DSCAML1: variants seen among roughly 807,000 people sequenced by gnomAD.
The protein encoded by DSCAML1 is cell adhesion molecule DSCAML1.
Under a neutral mutation model 200.5 loss-of-function variants are expected in DSCAML1, and 38 were observed. The observed-to-expected ratio is 0.19, with a 90% CI of 0.15 to 0.25. The LOEUF is 0.25. Ranked by LOEUF, DSCAML1 falls within the 10% of genes least tolerant of loss-of-function variation. DSCAML1 has a pLI of 1.00. For synonymous variants in DSCAML1, 1,215 were observed against 1,165.0 expected (o/e 1.04, Z -0.87); for missense variants, 2,223 against 2,858.8 (o/e 0.78, Z 5.07).
At chr11:117,782,979 A>G (rs1227797076) in intron 1 of DSCAML1, among the ~76,000 whole-genome samples, 1 of 152,124 alleles carries the variant, frequency 6.6e-6, no homozygotes, top group Non-Finnish European at 1.5e-5. Flanking sequence ...TGTCTTAACC[A>G]TTCTGTGATG....
At chr11:117,733,113 A>G (rs2054253775) in intron 3 of DSCAML1, among the ~76,000 whole-genome samples, 2 of 149,460 alleles carry the variant, frequency 1.3e-5, no homozygotes, top group Admixed American at 1.4e-4. Context: ...AGCTCGGGGC[A>G]GAGGCAGGGA....
chr11:117,631,280 A>G (rs1375843449), intron 3 of DSCAML1, among the ~76,000 whole-genome samples: 5 of 152,290 alleles, frequency 3.3e-5, no homozygotes, highest in Admixed American at 6.5e-5. Flanking sequence ...AGATACGATG[A>G]GAGTTTTTCT....
intron 3 of DSCAML1, among the ~76,000 whole-genome samples, chr11:117,692,814 T>C (rs1266505753): frequency 6.6e-6 from 1 of 152,188 alleles, no homozygotes; most frequent in Non-Finnish European, 1.5e-5. Flanking sequence ...ATGACTCCCC[T>C]GCATGGAATG....
intron 3 of DSCAML1, among the ~76,000 whole-genome samples, chr11:117,776,451 G>T (rs895390978): frequency 6.6e-6 from 1 of 151,930 alleles, no homozygotes; most frequent in African/African-American, 2.4e-5. Flanking sequence ...CAGGTAAGGT[G>T]CTTCCAGCCT....
chr11:117,433,105 C>A, intron 29 of DSCAML1, 33 bp downstream of exon 29: 1 of 1,579,556 alleles, frequency 6.3e-7, no homozygotes, highest in East Asian at 2.2e-5. Flanking sequence ...GCACACCCAG[C>A]AGGACAGGGA....
At chr11:117,557,634 G>A (rs1367334245) in intron 3 of DSCAML1, among the ~76,000 whole-genome samples, 5 of 152,242 alleles carry the variant, frequency 3.3e-5, no homozygotes, top group African/African-American at 9.6e-5. Flanking sequence ...GCTTTGGGTA[G>A]CCGGAAGAAA....
At chr11:117,671,175 T>C (rs1406710846) in intron 3 of DSCAML1, among the ~76,000 whole-genome samples, 1 of 152,202 alleles carries the variant, frequency 6.6e-6, no homozygotes, top group Non-Finnish European at 1.5e-5. Context: ...TATGCAAATG[T>C]CCTGCCTGTT....
intron 18 of DSCAML1, 124 bp downstream of exon 18, chr11:117,461,326 G>A (rs2048479113): frequency 7.2e-7 from 1 of 1,396,194 alleles, no homozygotes; most frequent in South Asian, 1.3e-5. Flanking sequence ...GTGTGGAGAA[G>A]AGGGGGCTGC....
chr11:117,795,401 G>A (rs1257201618), intron 1 of DSCAML1, among the ~76,000 whole-genome samples: 1 of 152,194 alleles, frequency 6.6e-6, no homozygotes, highest in Non-Finnish European at 1.5e-5. Context: ...AGCCGAGCCA[G>A]CCTGCGGGGG....
At chr11:117,530,293 T>G (rs1228849081) in intron 4 of DSCAML1, among the ~76,000 whole-genome samples, 1 of 152,074 alleles carries the variant, frequency 6.6e-6, no homozygotes, top group Non-Finnish European at 1.5e-5. Context: ...CCCAGGAGAC[T>G]AGAGGATGAA....
chr11:117,707,199 T>C (rs183954099), intron 3 of DSCAML1, among the ~76,000 whole-genome samples: 1 of 152,304 alleles, frequency 6.6e-6, no homozygotes, highest in African/African-American at 2.4e-5. Flanking sequence ...TGGACACCTG[T>C]AGGGGAGCAT....
At chr11:117,699,211 A>G (rs1171237390) in intron 3 of DSCAML1, among the ~76,000 whole-genome samples, 2 of 152,192 alleles carry the variant, frequency 1.3e-5, no homozygotes, top group African/African-American at 2.4e-5. Context: ...ACAGGGTTTG[A>G]GCAGACAAAG....
chr11:117,553,649 A>G (rs1024389704), intron 3 of DSCAML1, among the ~76,000 whole-genome samples: 3 of 152,232 alleles, frequency 2.0e-5, no homozygotes, highest in African/African-American at 7.2e-5. Flanking sequence ...AAGTGTTGGC[A>G]AGGATGTGGC....
chr11:117,544,123 T>C (rs141211080), intron 3 of DSCAML1, among the ~76,000 whole-genome samples: 2 of 152,262 alleles, frequency 1.3e-5, no homozygotes, highest in African/African-American at 4.8e-5. Context: ...TTGTCTCTCT[T>C]GGAAGAGAAG....
chr11:117,699,503 C>T (rs2053634599), intron 3 of DSCAML1, among the ~76,000 whole-genome samples: 1 of 152,196 alleles, frequency 6.6e-6, no homozygotes, highest in African/African-American at 2.4e-5. Context: ...CAGACGGTGG[C>T]AGTCACAGGA....
chr11:117,667,808 A>G (rs553788471), intron 3 of DSCAML1, among the ~76,000 whole-genome samples: 68 of 152,314 alleles, frequency 4.5e-4, no homozygotes, highest in African/African-American at 1.6e-3. Flanking sequence ...CTTCCCATTC[A>G]GTATCCAGTA....
At position 117,780,296 on chromosome 11, in the gene DSCAML1, G is replaced by GAAAGAAAGAAAGAAAGA. The variant is rs1555032777; in HGVS notation, c.364+196_364+197insTCTTTCTTTCTTTCTTT. Among the ~76,000 whole-genome samples the GAAAGAAAGAAAGAAAGA allele has an allele frequency of 2.5e-4, 27 of 106,966 alleles. No individual in the cohort carries two copies. Among genetic ancestry groups the GAAAGAAAGAAAGAAAGA allele is most frequent in the African/African-American group, 8.0e-4 (26 of 32,550 alleles). 70.2% of individuals were successfully genotyped at this position (106,966 alleles called of 152,430 possible). On this transcript the variant is annotated intron_variant, in intron 2 of 32. Coordinates refer to ENST00000651296, the MANE Select transcript of DSCAML1 (RefSeq NM_020693.4). The surrounding 1 kb of genome is among the most constrained non-coding windows in gnomAD (Gnocchi z 4.8). ...AGAAAGAAAGAAAGAAAGAAAGAAA[G>GAAAGAAAGAAAGAAAGA]AAAGAAAGAGAGAAAGGAGAAAGAA...
At chr11:117,493,420 G>T (rs1457148661) in intron 11 of DSCAML1, among the ~76,000 whole-genome samples, 1 of 151,414 alleles carries the variant, frequency 6.6e-6, no homozygotes, top group Non-Finnish European at 1.5e-5. Context: ...GGGTTCAAGT[G>T]ATTTCCCTGC....
intron 3 of DSCAML1, among the ~76,000 whole-genome samples, chr11:117,555,661 G>C (rs562637374): frequency 6.6e-6 from 1 of 152,316 alleles, no homozygotes; most frequent in Admixed American, 6.5e-5. Flanking sequence ...GGGGCAGGGA[G>C]AGCAGGGGTT....
Sources: allele counts gnomAD v4.1 joint callset (sites outside exome capture counted in the v4.1 genomes callset), GRCh38; gene constraint gnomAD v4.1.1; non-coding constraint Gnocchi (gnomAD v3.1); transcripts MANE v1.5; gene names NCBI Gene and HGNC (gene_info 2026-07-23, HGNC 2026-07-21).